NUP210L: variants seen among roughly 807,000 people sequenced by gnomAD.
NUP210L encodes nuclear pore membrane glycoprotein 210-like.
NUP210L carries 74 observed loss-of-function variants against 208.5 expected under a neutral mutation model. The ratio of observed to expected loss-of-function variants is 0.35; its 90% CI spans 0.29 to 0.43. The LOEUF (loss-of-function observed/expected upper bound fraction) is 0.43. Among genes scored for constraint, NUP210L ranks in the 20% least tolerant of loss-of-function variants. The probability of loss-of-function intolerance (pLI) is 1.00; values close to 1 mark genes in which losing one functional copy is unlikely to be tolerated. For synonymous variants in NUP210L, 780 were observed against 816.9 expected, an observed-to-expected ratio of 0.95 and a Z score of 0.77; for missense variants, 1,843 against 2,289.4, an observed-to-expected ratio of 0.81 and a Z score of 3.98.
At chr1:154,074,593 AT>A (rs1172167438) in intron 16 of NUP210L, among the ~76,000 whole-genome samples, 12 of 141,336 alleles carry the variant, frequency 8.5e-5, no homozygotes, top group Non-Finnish European at 1.7e-4. Context: ...AGTTCAAGTG[AT>A]TTTCCTGCCT....
chr1:154,044,406 TC>T (rs1269625147), intron 27 of NUP210L, among the ~76,000 whole-genome samples: 4 of 121,522 alleles, frequency 3.3e-5, no homozygotes, highest in Admixed American at 9.2e-5. Context: ...AAACTCTGTC[TC>T]AAAAAAAAAA....
At chr1:153,994,468 CACTG>C (rs1649704312) in intron 38 of NUP210L, among the ~76,000 whole-genome samples, 1 of 151,834 alleles carries the variant, frequency 6.6e-6, no homozygotes, top group South Asian at 2.1e-4. Context: ...TGTGCCACCA[CACTG>C]ACTAATTTTT....
At chr1:154,100,447 TAA>T (rs796143273) in intron 13 of NUP210L, among the ~76,000 whole-genome samples, 8 of 95,728 alleles carry the variant, frequency 8.4e-5, no homozygotes, top group Non-Finnish European at 1.1e-4. Context: ...AGACCTTACC[TAA>T]AAAAAAAAAA....
chr1:154,084,598 A>T (rs1176800698), intron 16 of NUP210L, among the ~76,000 whole-genome samples: 1 of 151,346 alleles, frequency 6.6e-6, no homozygotes, highest in Non-Finnish European at 1.5e-5. Context: ...TTGTCTATTT[A>T]TTTATTTATT....
chr1:154,128,170 T>G (rs961572337), intron 8 of NUP210L, among the ~76,000 whole-genome samples: 1 of 152,130 alleles, frequency 6.6e-6, no homozygotes. Context: ...CTCTCCAAAG[T>G]AGATCTTTTA....
chr1:154,058,253 T>A lies in NUP210L; in HGVS notation c.2980-37A>T, dbSNP rs201411945. The A allele has an allele frequency of 2.5e-6, 4 of 1,609,644 alleles. No homozygotes were observed. In the African/African-American group the frequency reaches 5.3e-5, roughly 22 times the overall value. On this transcript the variant is annotated intron_variant, in intron 21 of 39. Transcript: ENST00000368559. ...AAAGAAAAAGATTTTAGCAAAGGTG[T>A]CTCATTCACCAATGGCAGTCTAACT...
chr1:154,016,995 A>T (rs969257295), intron 33 of NUP210L, among the ~76,000 whole-genome samples: 6 of 151,772 alleles, frequency 4.0e-5, no homozygotes, highest in African/African-American at 1.4e-4. Context: ...CGCACAAAAA[A>T]GCCTGGGCGC....
At position 154,135,980 on chromosome 1, in the gene NUP210L, A is replaced by T; in HGVS notation, c.851-8T>A. 1 of 1,583,224 alleles carries T rather than the reference A, an allele frequency of 6.3e-7. No individual in the cohort carries two copies. Among genetic ancestry groups the T allele is most frequent in the Non-Finnish European group, 8.7e-7 (1 of 1,152,036 alleles). On this transcript the variant is annotated splice_polypyrimidine_tract_variant and splice_region_variant and intron_variant, in intron 6 of 39. Transcript: ENST00000368559. ...CCAGGGGAAATTTCACCTCTGTAAG[A>T]CATGAAAGATACATAAATGTAATGA...
At chr1:154,146,400 G>C (rs1212497265) in intron 2 of NUP210L, among the ~76,000 whole-genome samples, 1 of 152,138 alleles carries the variant, frequency 6.6e-6, no homozygotes, top group Non-Finnish European at 1.5e-5. Context: ...TGGAATATAT[G>C]AAGGAAATCG....
chr1:154,115,157 A>AG (rs1399605753), intron 12 of NUP210L, among the ~76,000 whole-genome samples: 2 of 152,176 alleles, frequency 1.3e-5, no homozygotes, highest in Admixed American at 6.6e-5. Context: ...TTTGTTTTTT[A>AG]GTATAATGGC....
chr1:154,098,188 G>A (rs1244292205), intron 14 of NUP210L, among the ~76,000 whole-genome samples: 14 of 152,320 alleles, frequency 9.2e-5, no homozygotes, highest in African/African-American at 2.2e-4. Flanking sequence ...CAGCTTCCAC[G>A]CTGCCACTGG....
intron 25 of NUP210L, among the ~76,000 whole-genome samples, chr1:154,047,443 G>T (rs76418738): frequency 6.6e-6 from 1 of 151,734 alleles, no homozygotes; most frequent in African/African-American, 2.4e-5. Flanking sequence ...ACTGTGACAT[G>T]TTCGTTATGG....
intron 32 of NUP210L, among the ~76,000 whole-genome samples, chr1:154,020,499 G>A (rs572884949): frequency 6.6e-6 from 1 of 152,038 alleles, no homozygotes; most frequent in African/African-American, 2.4e-5. Context: ...AGAGGCATAT[G>A]CCACTACACC....
At chr1:154,083,120 C>T (rs936938502) in intron 16 of NUP210L, among the ~76,000 whole-genome samples, 3 of 152,134 alleles carry the variant, frequency 2.0e-5, no homozygotes, top group Non-Finnish European at 2.9e-5. Context: ...AGAAAAGCAA[C>T]CGAGCAGGTT....
At chr1:154,119,723 G>A (rs1376208127) in intron 10 of NUP210L, among the ~76,000 whole-genome samples, 1 of 152,160 alleles carries the variant, frequency 6.6e-6, no homozygotes, top group African/African-American at 2.4e-5. Context: ...CATATACTGA[G>A]GGACAATTGT....
intron 13 of NUP210L, among the ~76,000 whole-genome samples, chr1:154,102,378 C>T (rs753464082): frequency 1.3e-5 from 2 of 151,990 alleles, no homozygotes; most frequent in Non-Finnish European, 2.9e-5. Flanking sequence ...GTTCATGAAG[C>T]GCCATCTGAT....
intron 27 of NUP210L, among the ~76,000 whole-genome samples, chr1:154,043,973 A>C (rs1653035052): frequency 1.3e-5 from 2 of 152,134 alleles, no homozygotes; most frequent in African/African-American, 2.4e-5. Flanking sequence ...GAAAAGAAAA[A>C]ATCTGTGTGG....
At chr1:154,089,278 G>T in intron 16 of NUP210L, 143 bp downstream of exon 16, 1 of 706,070 alleles carries the variant, frequency 1.4e-6, no homozygotes, top group Non-Finnish European at 2.4e-6. Context: ...CTGTATGGCA[G>T]TTCCTCAAAA....
chr1:154,096,051 C>T (rs138089814), intron 14 of NUP210L, among the ~76,000 whole-genome samples: 61 of 152,204 alleles, frequency 4.0e-4, no homozygotes, highest in Non-Finnish European at 8.2e-4. Flanking sequence ...ACCCATCAAC[C>T]CATCATGTAC....
Sources: allele counts gnomAD v4.1 joint callset (sites outside exome capture counted in the v4.1 genomes callset), GRCh38; gene constraint gnomAD v4.1.1; transcripts MANE v1.5; gene names NCBI Gene and HGNC (gene_info 2026-07-23, HGNC 2026-07-21).